The following TDP1 variants were observed in gnomAD, a reference collection of about 807,000 sequenced individuals.
TDP1 encodes tyrosyl-DNA phosphodiesterase 1.
In TDP1, 64 loss-of-function variants were observed where a neutral mutation model predicts 81.5. That is an observed-to-expected ratio of 0.79 (90% CI 0.64 to 0.97). The LOEUF is 0.97. TDP1 is among the 50% of genes least tolerant of loss of function. The probability of loss-of-function intolerance (pLI) is 0.00; values close to 1 mark genes in which losing one functional copy is unlikely to be tolerated. For synonymous variants in TDP1, 256 were observed against 264.3 expected, an observed-to-expected ratio of 0.97 and a Z score of 0.30; for missense variants, 723 against 743.8, an observed-to-expected ratio of 0.97 and a Z score of 0.33.
intron 13 of TDP1, chr14:89,992,912 C>T (rs1896339271): frequency 2.0e-6 from 2 of 984,490 alleles, no homozygotes; most frequent in African/African-American, 3.5e-5. Context: ...AGTATTTCTG[C>T]CCTCGCTTTT....
chr14:89,979,224 A>C (rs2140062550), intron 7 of TDP1, among the ~76,000 whole-genome samples: 1 of 152,354 alleles, frequency 6.6e-6, no homozygotes, highest in East Asian at 1.9e-4. Flanking sequence ...ACAGGGAGAT[A>C]AAAATCATCC....
chr14:89,971,890 G>A (rs1201741877), intron 6 of TDP1, among the ~76,000 whole-genome samples: 3 of 150,996 alleles, frequency 2.0e-5, no homozygotes, highest in African/African-American at 5.0e-5. Context: ...ACACTTCAAC[G>A]GTAGTCCTTC....
chr14:89,957,904 C>A (rs1348179896), intron 2 of TDP1, among the ~76,000 whole-genome samples: 9 of 152,186 alleles, frequency 5.9e-5, no homozygotes, highest in Admixed American at 5.9e-4. Flanking sequence ...CAGGAGGTGC[C>A]CTGCCCACTC....
At chr14:90,008,230 G>A (rs936669200) in intron 14 of TDP1, among the ~76,000 whole-genome samples, 14 of 152,018 alleles carry the variant, frequency 9.2e-5, no homozygotes, top group South Asian at 4.1e-4. Flanking sequence ...GATGCTTGTC[G>A]GACCCTCTCA....
In TDP1 at chr14:89,963,571, G is replaced by T. The variant is rs1892591157; in HGVS notation, c.457G>T (p.Asp153Tyr). 1.9e-6 allele frequency: 3 copies of T among 1,613,554 alleles called. No homozygotes were observed. The highest frequency in any genetic ancestry group is 1.3e-5 in the African/African-American group (1 of 74,910). ...DEYETSGEGQ[D>Y]IWDMLDKGNP... is the part of the protein sequence containing the mutation. ...GTATGAGACATCAGGGGAGGGCCAG[G>T]ACATTTGGGACATGCTGGATAAAGG... The change falls in exon 3 of 17, where the codon GAC (aspartate) becomes TAC (tyrosine). Residue 153 changes from aspartate (D) to tyrosine (Y), a missense_variant. Physicochemically the swap from Asp to Tyr is radical, Grantham distance 160 (BLOSUM62 -3). Coordinates refer to ENST00000335725, the MANE Select transcript of TDP1 (RefSeq NM_018319.4).
Position 89,963,682 on chromosome 14 carries a change from A to G in TDP1, c.559+9A>G, listed in dbSNP as rs766766749. 5.0e-6 allele frequency: 8 copies of G among 1,613,756 alleles called. No homozygotes were observed. Among genetic ancestry groups the G allele is most frequent in the Non-Finnish European group, 6.8e-6 (8 of 1,179,852 alleles). On this transcript the variant is annotated intron_variant, in intron 3 of 16. Transcript: ENST00000335725. ...AGCCCTCCACATCAAGGGTAAGAGGATGCTGGGTGTCAAGGAGCTGTTGAA... is the reference window on the plus strand; with the variant it reads ...AGCCCTCCACATCAAGGGTAAGAGGGTGCTGGGTGTCAAGGAGCTGTTGAA...
At chr14:90,029,561 C>T (rs140911040) in intron 15 of TDP1, among the ~76,000 whole-genome samples, 5,591 of 146,778 alleles carry the variant, frequency 0.038, 346 homozygotes, top group African/African-American at 0.13. Context: ...TACAGTGGCT[C>T]GATCTCGGCT....
At chr14:90,006,018 A>G (rs915129069) in intron 14 of TDP1, among the ~76,000 whole-genome samples, 3 of 152,220 alleles carry the variant, frequency 2.0e-5, no homozygotes, top group Non-Finnish European at 2.9e-5. Context: ...GGTAGGCTGG[A>G]CTATGCCATC....
intron 2 of TDP1, among the ~76,000 whole-genome samples, chr14:89,958,873 C>T (rs1037695667): frequency 1.8e-4 from 27 of 152,186 alleles, no homozygotes; most frequent in African/African-American, 6.3e-4. Flanking sequence ...TGTTTGAATC[C>T]AATCATTCTT....
At chr14:90,016,977 T>G (rs1885388676) in intron 14 of TDP1, among the ~76,000 whole-genome samples, 1 of 151,920 alleles carries the variant, frequency 6.6e-6, no homozygotes, top group Admixed American at 6.6e-5. Context: ...CCACAGCACT[T>G]GGGAGAGAAA....
intron 10 of TDP1, among the ~76,000 whole-genome samples, chr14:89,987,269 C>T (rs1895671179): frequency 6.6e-6 from 1 of 152,178 alleles, no homozygotes; most frequent in Non-Finnish European, 1.5e-5. Flanking sequence ...TGGGGTTTTC[C>T]TCATACACTA....
At chr14:90,005,654 T>G (rs1897614203) in intron 14 of TDP1, among the ~76,000 whole-genome samples, 1 of 152,204 alleles carries the variant, frequency 6.6e-6, no homozygotes, top group Admixed American at 6.5e-5. Flanking sequence ...AACCACAAGG[T>G]AACAGAGCTA....
intron 2 of TDP1, among the ~76,000 whole-genome samples, chr14:89,961,268 T>C (rs1433716493): frequency 6.6e-6 from 1 of 152,212 alleles, no homozygotes; most frequent in African/African-American, 2.4e-5. Context: ...TGAGGACTGG[T>C]CAGAACCAGT....
Position 89,985,172 on chromosome 14 carries a change from A to G in TDP1, c.1093A>G (p.Ser365Gly). 3 of 1,611,440 alleles carry G rather than the reference A, an allele frequency of 1.9e-6. No individual in the cohort carries two copies. Among genetic ancestry groups the G allele is most frequent in the Non-Finnish European group, 2.5e-6 (3 of 1,178,754 alleles). ...IGSTPGRFQG[S>G]QKDNWGHFRL... ...TTCAACCCCAGGACGCTTTCAAGGA[A>G]GTCAAAAAGATAATTGGGGACATTT... is the stretch of plus-strand genomic sequence containing the variant. The change falls in exon 10 of 17, where the codon AGT (serine) becomes GGT (glycine). Residue 365 changes from serine to glycine, a missense_variant. Transcript: ENST00000335725.
intron 10 of TDP1, among the ~76,000 whole-genome samples, chr14:89,985,975 T>C (rs954765922): frequency 9.8e-5 from 15 of 152,338 alleles, no homozygotes; most frequent in African/African-American, 3.6e-4. Flanking sequence ...TGCAGTGAGC[T>C]GAGACCACAC....
chr14:89,962,712 GAAA>G (rs138209691), intron 2 of TDP1, among the ~76,000 whole-genome samples: 2 of 148,768 alleles, frequency 1.3e-5, no homozygotes, highest in East Asian at 3.9e-4. Context: ...CAAAAAAAAA[GAAA>G]AAAAAAATTA....
intron 15 of TDP1, among the ~76,000 whole-genome samples, chr14:90,027,121 CTT>C (rs1025440480): frequency 2.6e-5 from 4 of 151,922 alleles, no homozygotes; most frequent in Admixed American, 1.3e-4. Flanking sequence ...TCTAGCACCT[CTT>C]GTTTCCTGAC....
chr14:89,972,771 C>A (rs1469983637), intron 6 of TDP1, among the ~76,000 whole-genome samples: 1 of 152,164 alleles, frequency 6.6e-6, no homozygotes, highest in Non-Finnish European at 1.5e-5. Flanking sequence ...TTTCCTATTT[C>A]TTTTGGCTGT....
intron 5 of TDP1, among the ~76,000 whole-genome samples, chr14:89,969,360 G>T (rs1893316220): frequency 6.6e-6 from 1 of 152,132 alleles, no homozygotes; most frequent in Non-Finnish European, 1.5e-5. Context: ...GACCTAAATG[G>T]TAAGTTTAAG....
Sources: allele counts gnomAD v4.1 joint callset (sites outside exome capture counted in the v4.1 genomes callset), GRCh38; gene constraint gnomAD v4.1.1; transcripts MANE v1.5; gene names NCBI Gene and HGNC (gene_info 2026-07-23, HGNC 2026-07-21).